The following LHFPL6 variants were observed in gnomAD, a reference collection of about 807,000 sequenced individuals.
LHFPL6 encodes LHFPL tetraspan subfamily member 6 protein.
LHFPL6 carries 9 observed loss-of-function variants against 20.6 expected under a neutral mutation model. That is an observed-to-expected ratio of 0.44 (90% CI 0.26 to 0.76). The LOEUF (loss-of-function observed/expected upper bound fraction) is 0.76. Ranked by LOEUF, LHFPL6 falls within the 30% of genes least tolerant of loss-of-function variation. The pLI is 0.20. For synonymous variants in LHFPL6, 105 were observed against 98.7 expected (o/e 1.06, Z -0.38); for missense variants, 218 against 253.5 (o/e 0.86, Z 0.95).
At chr13:39,504,495 T>TG (rs1242846200) in intron 2 of LHFPL6, among the ~76,000 whole-genome samples, 14 of 152,202 alleles carry the variant, frequency 9.2e-5, no homozygotes, top group Admixed American at 8.5e-4. Flanking sequence ...TTCTGGAGGC[T>TG]GGAAGTCCAA....
intron 2 of LHFPL6, among the ~76,000 whole-genome samples, chr13:39,559,076 T>C (rs1316083340): frequency 2.0e-5 from 3 of 152,160 alleles, no homozygotes; most frequent in Admixed American, 6.5e-5. Flanking sequence ...AAGCCCAGTC[T>C]ATCAGACCAA....
chr13:39,393,806 C>T (rs1454588707), intron 2 of LHFPL6, among the ~76,000 whole-genome samples: 1 of 152,138 alleles, frequency 6.6e-6, no homozygotes, highest in Admixed American at 6.5e-5. Flanking sequence ...AGGCCTAGAT[C>T]AAGGTGTGGG....
chr13:39,467,545 G>A (rs1336923519), intron 2 of LHFPL6, among the ~76,000 whole-genome samples: 1 of 151,982 alleles, frequency 6.6e-6, no homozygotes, highest in South Asian at 2.1e-4. Flanking sequence ...CAAAAGCACT[G>A]GATAAAGCTG....
At position 39,560,783 on chromosome 13, in the gene LHFPL6, A is replaced by G. The variant is rs147332097; in HGVS notation, c.385+40049T>C. 3.0e-3 allele frequency among the ~76,000 whole-genome samples: 462 copies of G among 152,116 alleles called. 3 individuals carry two copies. Among genetic ancestry groups the G allele is most frequent in the African/African-American group, 0.011 (436 of 41,518 alleles). ...GCCCACCTCGGCCTCCCAAAGTGCTAGGATTACAGGCGTGAGCCACCGCGC... is the reference window on the plus strand; with the variant it reads ...GCCCACCTCGGCCTCCCAAAGTGCTGGGATTACAGGCGTGAGCCACCGCGC... On this transcript the variant is annotated intron_variant, in intron 2 of 3. Coordinates refer to ENST00000379589, the MANE Select transcript of LHFPL6 (RefSeq NM_005780.3).
At chr13:39,393,415 C>T (rs565349973) in intron 2 of LHFPL6, among the ~76,000 whole-genome samples, 3 of 152,054 alleles carry the variant, frequency 2.0e-5, no homozygotes, top group Non-Finnish European at 4.4e-5. Context: ...CCAACAGATA[C>T]CAGATAAGTC....
chr13:39,448,661 A>G (rs771424708), intron 2 of LHFPL6, among the ~76,000 whole-genome samples: 1 of 152,218 alleles, frequency 6.6e-6, no homozygotes, highest in Non-Finnish European at 1.5e-5. Context: ...TCTTTTTAAC[A>G]GAACTTTTGG....
chr13:39,505,850 T>A (rs1438183440), intron 2 of LHFPL6, among the ~76,000 whole-genome samples: 1 of 152,200 alleles, frequency 6.6e-6, no homozygotes, highest in Non-Finnish European at 1.5e-5. Context: ...ATTTTCTAAA[T>A]GACATTTTGT....
At chr13:39,567,330 C>G (rs1180746738) in intron 2 of LHFPL6, among the ~76,000 whole-genome samples, 1 of 152,072 alleles carries the variant, frequency 6.6e-6, no homozygotes, top group Non-Finnish European at 1.5e-5. Context: ...AATACATTAC[C>G]AAAATTTTAA....
intron 2 of LHFPL6, among the ~76,000 whole-genome samples, chr13:39,588,296 TA>T: frequency 6.6e-6 from 1 of 152,344 alleles, no homozygotes; most frequent in East Asian, 1.9e-4. Flanking sequence ...TCCCAACACG[TA>T]GCACATTATT....
At chr13:39,515,616 C>T (rs567266676) in intron 2 of LHFPL6, among the ~76,000 whole-genome samples, 27 of 152,232 alleles carry the variant, frequency 1.8e-4, no homozygotes, top group African/African-American at 6.5e-4. Context: ...CATCATTCTC[C>T]CTTTCTAATT....
chr13:39,562,581 C>T (rs1391796426), intron 2 of LHFPL6, among the ~76,000 whole-genome samples: 4 of 127,492 alleles, frequency 3.1e-5, no homozygotes, highest in African/African-American at 1.1e-4. Flanking sequence ...TACATATATA[C>T]ACATATATAC....
intron 2 of LHFPL6, among the ~76,000 whole-genome samples, chr13:39,520,311 G>T (rs1870066644): frequency 6.6e-6 from 1 of 152,178 alleles, no homozygotes; most frequent in South Asian, 2.1e-4. Flanking sequence ...GCTACCCTGA[G>T]AATGTGGCCC....
rs1872166350 is a variant in LHFPL6, at chr13:39,577,927, C to T, written c.385+22905G>A. 3.3e-5 allele frequency among the ~76,000 whole-genome samples: 5 copies of T among 152,004 alleles called. No individual in the cohort carries two copies. In the South Asian group the frequency reaches 8.3e-4, roughly 25 times the overall value. Reference sequence around the variant, plus strand: ...AAGTGCTGGGATTACAAGCATAAGCCTGTAATCCCATGAGCCCAGCCCCAA... The same window carrying T: ...AAGTGCTGGGATTACAAGCATAAGCTTGTAATCCCATGAGCCCAGCCCCAA... On this transcript the variant is annotated intron_variant, in intron 2 of 3. Transcript: ENST00000379589.
At position 39,509,739 on chromosome 13, in the gene LHFPL6, C is replaced by T. The variant is rs113020429; in HGVS notation, c.385+91093G>A. On this transcript the variant is annotated intron_variant, in intron 2 of 3. Transcript: ENST00000379589. ...CTGTAGGAGGCTGAGGAGGGAGGAT[C>T]CCTTGAGTCCAGAAATTTGAGACCA... is the stretch of plus-strand genomic sequence containing the variant. Among the ~76,000 whole-genome samples, 981 of 152,110 alleles carry T rather than the reference C, an allele frequency of 6.4e-3. 6 individuals carry two copies. The highest frequency in any genetic ancestry group is 0.014 in the Admixed American group (219 of 15,278).
intron 3 of LHFPL6, among the ~76,000 whole-genome samples, chr13:39,366,341 G>A (rs902278088): frequency 6.6e-6 from 1 of 152,062 alleles, no homozygotes; most frequent in African/African-American, 2.4e-5. Context: ...TATTTAATAA[G>A]ATCTAATTCT....
intron 3 of LHFPL6, among the ~76,000 whole-genome samples, chr13:39,371,613 C>CT (rs2138354151): frequency 6.6e-6 from 1 of 152,340 alleles, no homozygotes; most frequent in African/African-American, 2.4e-5. Context: ...GACTGTCCCT[C>CT]TGTCCACAAC....
chr13:39,560,581 C>G (rs937407410), intron 2 of LHFPL6, among the ~76,000 whole-genome samples: 1 of 142,728 alleles, frequency 7.0e-6, no homozygotes, highest in Admixed American at 7.4e-5. Flanking sequence ...GTGGCGCGAT[C>G]TCGGCTCACT....
chr13:39,379,009 G>A (rs1345685616), intron 2 of LHFPL6, among the ~76,000 whole-genome samples: 3 of 152,076 alleles, frequency 2.0e-5, no homozygotes, highest in Non-Finnish European at 4.4e-5. Context: ...TTTCATGAAT[G>A]GCCTCAGCAC....
chr13:39,583,452 G>A (rs1384256835), intron 2 of LHFPL6, among the ~76,000 whole-genome samples: 1 of 152,112 alleles, frequency 6.6e-6, no homozygotes, highest in Non-Finnish European at 1.5e-5. Context: ...TAGGATTACA[G>A]GTGTGAGCTA....
Sources: gnomAD v4.1 joint callset for allele counts (sites outside exome capture counted in the v4.1 genomes callset) on GRCh38, gnomAD v4.1.1 for gene constraint, MANE v1.5 for transcripts, NCBI Gene and HGNC (gene_info 2026-07-23, HGNC 2026-07-21) for gene names.